Variants in ABCB9 observed in about 807,000 individuals in gnomAD.
ABCB9 encodes the protein ATP binding cassette subfamily B member 9.
ABCB9 carries 36 observed loss-of-function variants against 62.0 expected under a neutral mutation model. The observed-to-expected ratio is 0.58, with a 90% confidence interval of 0.45 to 0.77. The LOEUF is 0.77. ABCB9 is among the 30% of genes least tolerant of loss of function. The pLI is 0.00. For missense variants in ABCB9, 943 were observed against 1,054.7 expected (o/e 0.89, Z 1.47); for synonymous variants, 435 against 461.4 (o/e 0.94, Z 0.73).
At chr12:122,973,597 A>C (rs868504209) in intron 1 of ABCB9, among the ~76,000 whole-genome samples, 4,278 of 139,710 alleles carry the variant, frequency 0.031, 323 homozygotes, top group African/African-American at 0.11. Context: ...AAAAAAAAAA[A>C]AAAAAAAAAA....
Position 122,940,124 on chromosome 12 carries a change from T to A in ABCB9, c.1730A>T (p.Tyr577Phe). 1 of 1,611,704 alleles carries A rather than the reference T, an allele frequency of 6.2e-7. No homozygotes were observed. Among genetic ancestry groups the A allele is most frequent in the Non-Finnish European group, 8.5e-7 (1 of 1,179,106 alleles). ...GKPISAYDHK[Y>F]LHRVISLVSQ... is the part of the protein sequence containing the mutation. The stretch of plus-strand genomic sequence containing the variant: ...CCGTGCACATACCACACGGTGCAAG[T>A]ACTTGTGGTCGTAGGCGCTGATGGG... The change falls in exon 9 of 12, where the codon TAC (tyrosine) becomes TTC (phenylalanine). Residue 577 changes from tyrosine to phenylalanine, a missense_variant. Tyr to Phe is a conservative substitution (Grantham distance 22, BLOSUM62 3). Transcript: ENST00000280560. This position sits in a 1 kb window ranked among gnomAD's most constrained non-coding sequence, Gnocchi z 4.8.
chr12:122,938,625 G>A (rs568449884), intron 9 of ABCB9, among the ~76,000 whole-genome samples: 13 of 151,710 alleles, frequency 8.6e-5, no homozygotes, highest in South Asian at 4.2e-4. Context: ...TCAGGAGATC[G>A]AGACCATCCT....
chr12:122,967,105 T>C (rs1277311810), upstream of ABCB9, among the ~76,000 whole-genome samples: 3 of 152,090 alleles, frequency 2.0e-5, no homozygotes, highest in Admixed American at 6.6e-5. Context: ...ATTCGGGGCA[T>C]TGGAGAGGGG....
chr12:122,940,554 T>C lies in ABCB9; in HGVS notation c.1569+253A>G, dbSNP rs889143941. Among the ~76,000 whole-genome samples the C allele has an allele frequency of 6.6e-6, 1 of 152,134 alleles. No individual in the cohort carries two copies. The highest frequency in any genetic ancestry group is 1.5e-5 in the Non-Finnish European group (1 of 68,012). The stretch of plus-strand genomic sequence containing the variant: ...AATGTCACCTCCTCCAAGAACCCCT[T>C]CTTGACTGTTACCACCATTCCCATG... On this transcript the variant is annotated intron_variant, in intron 8 of 11. Coordinates refer to ENST00000280560, the MANE Select transcript of ABCB9 (RefSeq NM_019625.4). The surrounding 1 kb of genome is among the most constrained non-coding windows in gnomAD (Gnocchi z 4.8).
Position 122,940,270 on chromosome 12 carries a change from G to C in ABCB9, c.1584C>G (p.Ser528Arg), listed in dbSNP as rs1029410200. Residue 528 changes from serine (S) to arginine (R), a missense_variant, in exon 9 of 12, where the codon AGC becomes AGG. Transcript: ENST00000280560. This position sits in a 1 kb window ranked among gnomAD's most constrained non-coding sequence, Gnocchi z 4.8. ...HTQVLQNVSFSLSPGKVTALV... is the reference protein window; with the variant it reads ...HTQVLQNVSFRLSPGKVTALV... ...GGGCCGTCACCTTGCCGGGGGACAG[G>C]CTGAAGGAGACATTCTGCAAAGAAC... 6 of 1,598,430 alleles carry C rather than the reference G, an allele frequency of 3.8e-6. No individual in the cohort carries two copies. In the African/African-American group the frequency reaches 8.1e-5, roughly 21 times the overall value.
chr12:122,929,265 A>G lies in ABCB9; in HGVS notation c.*646T>C. ...CCCCTCCAGACCTGGCCAGCCCCTC[A>G]CTCCCCCAGTTGAGGTTTCGTGTGG... is the stretch of plus-strand genomic sequence containing the variant. On this transcript the variant is annotated 3_prime_UTR_variant, in exon 12 of 12. Coordinates refer to ENST00000280560, the MANE Select transcript of ABCB9 (RefSeq NM_019625.4). This position sits in a 1 kb window ranked among gnomAD's most constrained non-coding sequence, Gnocchi z 6.0. 1.0e-6 allele frequency: 1 copy of G among 985,836 alleles called. No homozygotes were observed. Among genetic ancestry groups the G allele is most frequent in the Non-Finnish European group, 1.2e-6 (1 of 830,026 alleles). 61.1% of individuals were successfully genotyped at this position (985,836 alleles called of 1,614,324 possible). A position where few individuals can be genotyped will look rare whatever the true frequency, so the allele number is the denominator to read the frequency against.
Position 122,960,067 on chromosome 12 carries a change from G to A in ABCB9, c.169C>T (p.Arg57Cys), listed in dbSNP as rs754857190. ...GTGGCTCCCAGCAGCAGGCAGCTGCGGTACAGGCAGGCTGCCCAGAGATCC... is the reference window on the plus strand; with the variant it reads ...GTGGCTCCCAGCAGCAGGCAGCTGCAGTACAGGCAGGCTGCCCAGAGATCC... ...VLDLWAACLY[R>C]SCLLLGATIG... Residue 57 changes from arginine (R) to cysteine (C), a missense_variant, in exon 2 of 12, where the codon CGC (arginine) becomes TGC (cysteine). Coordinates refer to ENST00000280560, the MANE Select transcript of ABCB9 (RefSeq NM_019625.4). 9.3e-6 allele frequency: 15 copies of A among 1,613,442 alleles called. No individual in the cohort carries two copies. Among genetic ancestry groups the A allele is most frequent in the East Asian group, 4.5e-5 (2 of 44,884 alleles).
intron 1 of ABCB9, among the ~76,000 whole-genome samples, chr12:122,962,644 A>G (rs1166648008): frequency 6.6e-6 from 1 of 152,192 alleles, no homozygotes; most frequent in Non-Finnish European, 1.5e-5. Context: ...GCAGTCAGTG[A>G]GTGTAGGACC....
chr12:122,950,299 C>A, intron 3 of ABCB9, 152 bp downstream of exon 3: 1 of 723,564 alleles, frequency 1.4e-6, no homozygotes, highest in Non-Finnish European at 2.2e-6. Context: ...AGTGTGGAAG[C>A]CGGTTCCCAG....
Position 122,932,777 on chromosome 12 carries a change from G to T in ABCB9, c.1904-449C>A, listed in dbSNP as rs771690238. Among the ~76,000 whole-genome samples the T allele has an allele frequency of 6.6e-6, 1 of 152,156 alleles. No homozygotes were observed. The highest frequency in any genetic ancestry group is 1.5e-5 in the Non-Finnish European group (1 of 68,032). On this transcript the variant is annotated intron_variant, in intron 10 of 11. Coordinates refer to ENST00000280560, the MANE Select transcript of ABCB9 (RefSeq NM_019625.4). This position sits in a 1 kb window ranked among gnomAD's most constrained non-coding sequence, Gnocchi z 4.7. ...CCTGGACCAATTTTCCCCATGGACC[G>T]ACTTCCTCCCATGCACAACAATATA... is the stretch of plus-strand genomic sequence containing the variant.
rs562424420 is a variant in ABCB9, at chr12:122,930,471, G to A, written c.2041-300C>T. On this transcript the variant is annotated intron_variant, in intron 11 of 11. Transcript: ENST00000280560. The surrounding 1 kb of genome is among the most constrained non-coding windows in gnomAD (Gnocchi z 4.9). ...CACCCAGGCTGGAGTGCGGTGGTGCGATCTCAGCTCACTGCAACCTCTGCC... is the reference window on the plus strand; with the variant it reads ...CACCCAGGCTGGAGTGCGGTGGTGCAATCTCAGCTCACTGCAACCTCTGCC... 5.5e-5 allele frequency among the ~76,000 whole-genome samples: 8 copies of A among 146,474 alleles called. No individual in the cohort carries two copies. Among genetic ancestry groups the A allele is most frequent in the South Asian group, 2.1e-4 (1 of 4,672 alleles).
At chr12:122,935,479 C>T in intron 9 of ABCB9, 48 bp from the exon 10 acceptor site, 2 of 1,575,378 alleles carry the variant, frequency 1.3e-6, no homozygotes, top group South Asian at 1.2e-5. Flanking sequence ...ATGTGTTCAT[C>T]CAGCTGTCCC....
intron 2 of ABCB9, among the ~76,000 whole-genome samples, chr12:122,958,876 T>C (rs2036747517): frequency 6.6e-6 from 1 of 151,734 alleles, no homozygotes; most frequent in Non-Finnish European, 1.5e-5. Context: ...ACTCATAGTT[T>C]CCTTTTTCTT....
intron 9 of ABCB9, chr12:122,939,866 A>G: frequency 2.1e-6 from 1 of 484,132 alleles, no homozygotes; most frequent in South Asian, 3.2e-5. Flanking sequence ...GAGTCTCACT[A>G]TGTTGTCCAG....
upstream of ABCB9, among the ~76,000 whole-genome samples, chr12:122,970,168 C>G (rs1447397644): frequency 6.6e-6 from 1 of 152,214 alleles, no homozygotes; most frequent in Non-Finnish European, 1.5e-5. Flanking sequence ...CAACCTCCGC[C>G]TCCCGGGGTC....
In ABCB9 at chr12:122,964,306, C is replaced by A. The variant is rs2037061226; in HGVS notation, c.-88+1981G>T. Among the ~76,000 whole-genome samples the A allele has an allele frequency of 6.6e-6, 1 of 152,214 alleles. No homozygotes were observed. Among genetic ancestry groups the A allele is most frequent in the Non-Finnish European group, 1.5e-5 (1 of 68,044 alleles). ...CCCAGGGTACCAGTCATGCCCCCCG[C>A]CTCCAGAAGCCTATTTATCTTCATC... On this transcript the variant is annotated intron_variant, in intron 1 of 11. Coordinates refer to ENST00000280560, the MANE Select transcript of ABCB9 (RefSeq NM_019625.4). This position sits in a 1 kb window ranked among gnomAD's most constrained non-coding sequence, Gnocchi z 4.7.
Position 122,930,470 on chromosome 12 carries a change from C to T in ABCB9, c.2041-299G>A, listed in dbSNP as rs1305815085. On this transcript the variant is annotated intron_variant, in intron 11 of 11. Transcript: ENST00000280560. The surrounding 1 kb of genome is among the most constrained non-coding windows in gnomAD (Gnocchi z 4.9). ...TCACCCAGGCTGGAGTGCGGTGGTG[C>T]GATCTCAGCTCACTGCAACCTCTGC... Among the ~76,000 whole-genome samples the T allele has an allele frequency of 6.8e-6, 1 of 146,006 alleles. No homozygotes were observed. Among genetic ancestry groups the T allele is most frequent in the South Asian group, 2.2e-4 (1 of 4,610 alleles).
At chr12:122,973,648 T>A (rs1431955722) in intron 1 of ABCB9, among the ~76,000 whole-genome samples, 10 of 120,006 alleles carry the variant, frequency 8.3e-5, no homozygotes, top group African/African-American at 3.2e-4. Flanking sequence ...GACCACGAGG[T>A]CAGGAGATCA....
chr12:122,922,479 A>C (rs1261771906), intron 11 of ABCB9, among the ~76,000 whole-genome samples: 1 of 151,048 alleles, frequency 6.6e-6, no homozygotes, highest in Non-Finnish European at 1.5e-5. Flanking sequence ...TCCCGGGTTC[A>C]AGTGATTCTC....
Sources: gnomAD v4.1 joint callset for allele counts (sites outside exome capture counted in the v4.1 genomes callset) on GRCh38, gnomAD v4.1.1 for gene constraint, Gnocchi (gnomAD v3.1) non-coding constraint, MANE v1.5 for transcripts, NCBI Gene and HGNC (gene_info 2026-07-23, HGNC 2026-07-21) for gene names.